The following GFOD1 variants were observed in gnomAD, a reference collection of about 807,000 sequenced individuals.
GFOD1 encodes glucose-fructose oxidoreductase domain-containing protein 1.
In GFOD1, 9 loss-of-function variants were observed where a neutral mutation model predicts 25.4. The ratio of observed to expected loss-of-function variants is 0.35; its 90% CI spans 0.21 to 0.62. GFOD1 has a LOEUF of 0.62. Ranked by LOEUF, GFOD1 falls within the 20% of genes least tolerant of loss-of-function variation. GFOD1 has a pLI of 0.72. For synonymous variants in GFOD1, 253 were observed against 245.6 expected, an observed-to-expected ratio of 1.03 and a Z score of -0.28; for missense variants, 403 against 556.9, an observed-to-expected ratio of 0.72 and a Z score of 2.78.
chr6:13,427,900 G>A (rs1393041306), intron 1 of GFOD1, among the ~76,000 whole-genome samples: 4 of 152,086 alleles, frequency 2.6e-5, no homozygotes, highest in Non-Finnish European at 5.9e-5. Context: ...GTGACATTGT[G>A]GCCACCAAGC....
At chr6:13,455,460 C>T (rs140264414) in intron 1 of GFOD1, among the ~76,000 whole-genome samples, 6 of 152,260 alleles carry the variant, frequency 3.9e-5, no homozygotes, top group African/African-American at 1.4e-4. Context: ...TATAAAAACA[C>T]CTGGGATGCG....
intron 1 of GFOD1, among the ~76,000 whole-genome samples, chr6:13,385,919 A>G (rs1415931545): frequency 6.6e-6 from 1 of 152,120 alleles, no homozygotes; most frequent in African/African-American, 2.4e-5. Context: ...CAGCACAGAA[A>G]AAGTACTCAG....
At chr6:13,485,907 TA>T in intron 1 of GFOD1, 1 of 510,510 alleles carries the variant, frequency 2.0e-6, no homozygotes, top group South Asian at 8.2e-5. Flanking sequence ...AGTCAAAAGT[TA>T]AAACCCCCTG....
At position 13,360,076 on chromosome 6, in the gene GFOD1, C is replaced by T. The variant is rs1192137885; in HGVS notation, c.*4667G>A. ...AGACAAGTCACTTCATCTCTCTGAG[C>T]CTCCTTTCCCTAGAGCTCTGGAGGT... On this transcript the variant is annotated 3_prime_UTR_variant, in exon 2 of 2. Transcript: ENST00000379287. 1 of 152,694 alleles carries T rather than the reference C, an allele frequency of 6.5e-6. No homozygotes were observed. Among genetic ancestry groups the T allele is most frequent in the Non-Finnish European group, 1.5e-5 (1 of 68,468 alleles). The allele number at this position is 152,694 out of a possible 1,614,324, so 9.5% of individuals were successfully genotyped here.
intron 1 of GFOD1, among the ~76,000 whole-genome samples, chr6:13,405,921 A>G (rs1048457360): frequency 1.3e-5 from 2 of 152,316 alleles, no homozygotes; most frequent in Admixed American, 6.5e-5. Flanking sequence ...GCCTCAACTC[A>G]TCAGTGGCTT....
Position 13,415,033 on chromosome 6 carries a change from T to A in GFOD1, c.254-49371A>T, listed in dbSNP as rs941136369. Among the ~76,000 whole-genome samples the A allele has an allele frequency of 1.4e-4, 21 of 152,230 alleles. No homozygotes were observed. In the East Asian group the frequency reaches 4.1e-3, roughly 29 times the overall value. On this transcript the variant is annotated intron_variant, in intron 1 of 1. Transcript: ENST00000379287. ...AATTAGGCACCAATGAGAAAGCACA[T>A]CAGCCATGATATCCCAGAACAGCTA...
At chr6:13,470,317 G>A in intron 1 of GFOD1, 1 of 1,576,278 alleles carries the variant, frequency 6.3e-7, no homozygotes, top group Non-Finnish European at 8.6e-7. Context: ...CTGCATTCAG[G>A]CAAGAATGTG....
At chr6:13,475,945 G>A (rs1433285726) in intron 1 of GFOD1, among the ~76,000 whole-genome samples, 1 of 151,960 alleles carries the variant, frequency 6.6e-6, no homozygotes, top group African/African-American at 2.4e-5. Context: ...ACAATACCAA[G>A]TGCTGGTGAT....
intron 1 of GFOD1, among the ~76,000 whole-genome samples, chr6:13,462,814 G>A (rs562771458): frequency 4.6e-5 from 7 of 152,246 alleles, no homozygotes; most frequent in East Asian, 1.9e-4. Flanking sequence ...AACCCAACCC[G>A]ATGGTTAACC....
intron 1 of GFOD1, among the ~76,000 whole-genome samples, chr6:13,473,915 C>A (rs753990788): frequency 1.3e-5 from 2 of 152,168 alleles, no homozygotes; most frequent in Non-Finnish European, 2.9e-5. Context: ...TGGGGCCCCA[C>A]TCATTTTATC....
chr6:13,436,274 T>C (rs1057460989), intron 1 of GFOD1, among the ~76,000 whole-genome samples: 1 of 152,240 alleles, frequency 6.6e-6, no homozygotes, highest in African/African-American at 2.4e-5. Context: ...AAAACATGAA[T>C]ATGTTCCTTG....
At chr6:13,388,174 A>G (rs1341348935) in intron 1 of GFOD1, among the ~76,000 whole-genome samples, 1 of 152,244 alleles carries the variant, frequency 6.6e-6, no homozygotes, top group Admixed American at 6.5e-5. Flanking sequence ...ATGTTGTGAA[A>G]ATGGCCATAC....
At chr6:13,425,260 T>G (rs1786332091) in intron 1 of GFOD1, among the ~76,000 whole-genome samples, 1 of 152,200 alleles carries the variant, frequency 6.6e-6, no homozygotes, top group Non-Finnish European at 1.5e-5. Flanking sequence ...GAGCCTGGCC[T>G]AACACATTTA....
At chr6:13,403,477 C>A (rs1670706002) in intron 1 of GFOD1, among the ~76,000 whole-genome samples, 1 of 152,154 alleles carries the variant, frequency 6.6e-6, no homozygotes, top group Non-Finnish European at 1.5e-5. Flanking sequence ...ATGGTACAAC[C>A]TATTGCTCCT....
chr6:13,366,766 G>T (rs1785056769), intron 1 of GFOD1, among the ~76,000 whole-genome samples: 1 of 152,004 alleles, frequency 6.6e-6, no homozygotes, highest in Non-Finnish European at 1.5e-5. Context: ...AAAGTGCTGG[G>T]ATTACAGGTG....
chr6:13,383,306 A>G (rs1335540722), intron 1 of GFOD1, among the ~76,000 whole-genome samples: 1 of 152,246 alleles, frequency 6.6e-6, no homozygotes, highest in African/African-American at 2.4e-5. Flanking sequence ...AGGCATCCAG[A>G]GGTCCCATGG....
Position 13,360,747 on chromosome 6 carries a change from C to G in GFOD1, c.*3996G>C. ...ATCCTGCTGAACAGGAGGGTGCTGA[C>G]AGCAGGCTGAGTGGAGCCGCAGGTT... On this transcript the variant is annotated 3_prime_UTR_variant, in exon 2 of 2. Coordinates refer to ENST00000379287, the MANE Select transcript of GFOD1 (RefSeq NM_018988.4). 2.2e-6 allele frequency: 1 copy of G among 456,768 alleles called. No homozygotes were observed. Among genetic ancestry groups the G allele is most frequent in the Non-Finnish European group, 4.4e-6 (1 of 226,976 alleles). 28.3% of individuals were successfully genotyped at this position (456,768 alleles called of 1,614,324 possible). A position where few individuals can be genotyped will look rare whatever the true frequency, so the allele number is the denominator to read the frequency against.
Position 13,364,763 on chromosome 6 carries a change from T to C in GFOD1, c.1153A>G (p.Arg385Gly). 1 of 1,613,016 alleles carries C rather than the reference T, an allele frequency of 6.2e-7. No homozygotes were observed. Reference protein sequence around the residue: ...YLISEAMRRSRMSLYC With the variant: ...YLISEAMRRSGMSLYC ...CTGTGCTAACAGTAGAGGGACATCCTGCTGCGGCGCATGGCCTCGCTGATC... is the reference window on the plus strand; with the variant it reads ...CTGTGCTAACAGTAGAGGGACATCCCGCTGCGGCGCATGGCCTCGCTGATC... Residue 385 changes from arginine (R) to glycine (G), a missense_variant, in exon 2 of 2, where the codon AGG (arginine) becomes GGG (glycine). Coordinates refer to ENST00000379287, the MANE Select transcript of GFOD1 (RefSeq NM_018988.4). The surrounding 1 kb of genome is among the most constrained non-coding windows in gnomAD (Gnocchi z 4.1).
intron 1 of GFOD1, among the ~76,000 whole-genome samples, chr6:13,462,946 CA>C (rs1758316810): frequency 6.6e-6 from 1 of 152,176 alleles, no homozygotes; most frequent in Non-Finnish European, 1.5e-5. Context: ...GTTCAGGTTG[CA>C]AATGCCATCC....
Sources: allele counts gnomAD v4.1 joint callset (sites outside exome capture counted in the v4.1 genomes callset), GRCh38; gene constraint gnomAD v4.1.1; non-coding constraint Gnocchi (gnomAD v3.1); transcripts MANE v1.5; gene names NCBI Gene and HGNC (gene_info 2026-07-23, HGNC 2026-07-21).